The following KIAA1549L variants were observed in gnomAD, a reference collection of about 807,000 sequenced individuals.
The protein encoded by KIAA1549L is UPF0606 protein KIAA1549L.
A neutral mutation model predicts 160.7 loss-of-function variants in KIAA1549L; 88 were observed. The observed-to-expected ratio is 0.55, with a 90% CI of 0.46 to 0.65. The LOEUF is 0.65. Among genes scored for constraint, KIAA1549L ranks in the 30% least tolerant of loss-of-function variants. KIAA1549L has a pLI of 0.00. For synonymous variants in KIAA1549L, 950 were observed against 976.7 expected (o/e 0.97, Z 0.51); for missense variants, 2,258 against 2,437.5 (o/e 0.93, Z 1.55).
At chr11:33,598,499 A>G (rs1174664626) in intron 12 of KIAA1549L, among the ~76,000 whole-genome samples, 1 of 152,096 alleles carries the variant, frequency 6.6e-6, no homozygotes, top group East Asian at 1.9e-4. Context: ...AAAACAGGCT[A>G]TGCTGCATGG....
At chr11:33,396,628 A>G (rs1315796163) in intron 1 of KIAA1549L, among the ~76,000 whole-genome samples, 1 of 141,968 alleles carries the variant, frequency 7.0e-6, no homozygotes, top group African/African-American at 2.7e-5. Flanking sequence ...CCTTTAACTT[A>G]TCAATAGCAT....
chr11:33,474,865 C>T (rs1225238760), intron 1 of KIAA1549L, among the ~76,000 whole-genome samples: 4 of 152,158 alleles, frequency 2.6e-5, no homozygotes, highest in South Asian at 2.1e-4. Flanking sequence ...AACACTCCAG[C>T]GTGAGGAATG....
chr11:33,589,023 C>A lies in KIAA1549L; in HGVS notation c.4567-2214C>A, dbSNP rs541692422. On this transcript the variant is annotated intron_variant, in intron 11 of 20. Transcript: ENST00000658780. ...GACTGGATTGTTAAATCCGCTGGAA[C>A]CTTCCTGTTGTATCTCTGGCTAAAT... 3.9e-5 allele frequency among the ~76,000 whole-genome samples: 6 copies of A among 152,272 alleles called. No individual in the cohort carries two copies. In the East Asian group the frequency reaches 1.2e-3, roughly 29 times the overall value.
intron 15 of KIAA1549L, among the ~76,000 whole-genome samples, chr11:33,611,850 G>A (rs1311283402): frequency 2.6e-5 from 4 of 152,160 alleles, no homozygotes; most frequent in African/African-American, 9.7e-5. Context: ...AGTTACTTGA[G>A]AAACAAAAAT....
At position 33,545,059 on chromosome 11, in the gene KIAA1549L, T is replaced by C. The variant is rs565766773; in HGVS notation, c.3066T>C (p.His1022=). ...YARTGHTTST[H]TAMQGNMDTA... ...GAACAGGACATACCACGAGCACACA[T>C]ACAGCCATGCAAGGAAACATGGACA... Residue 1022 remains histidine (H), a synonymous_variant, in exon 3 of 21, where the codon CAT becomes CAC. Transcript: ENST00000658780. 1.7e-5 allele frequency: 28 copies of C among 1,613,956 alleles called. No individual in the cohort carries two copies. The South Asian group carries it at 3.1e-4, about 18-fold the overall frequency.
intron 1 of KIAA1549L, among the ~76,000 whole-genome samples, chr11:33,401,853 AG>A (rs1850507387): frequency 6.6e-6 from 1 of 152,168 alleles, no homozygotes; most frequent in South Asian, 2.1e-4. Flanking sequence ...CAGCAAGAGG[AG>A]GTCCAACTTC....
rs151265801 is a variant in KIAA1549L at position 33,669,019 on chromosome 11, G to T, written c.*865G>T. 59 of 152,206 alleles carry T rather than the reference G, an allele frequency of 3.9e-4. No individual in the cohort carries two copies. Among genetic ancestry groups the T allele is most frequent in the African/African-American group, 1.3e-3 (53 of 41,518 alleles). 9.4% of individuals were successfully genotyped at this position (152,206 alleles called of 1,614,324 possible). ...AGAATGGAGCTTCTCTTTTTCTTGGGATAATAGATACATCAACTTTTACAA... is the reference window on the plus strand; with the variant it reads ...AGAATGGAGCTTCTCTTTTTCTTGGTATAATAGATACATCAACTTTTACAA... On this transcript the variant is annotated 3_prime_UTR_variant, in exon 21 of 21. Transcript: ENST00000658780.
intron 16 of KIAA1549L, among the ~76,000 whole-genome samples, chr11:33,636,794 T>G (rs1482711515): frequency 6.6e-6 from 1 of 152,242 alleles, no homozygotes. Context: ...TTCATTACTC[T>G]CCACGATTTC....
chr11:33,612,872 G>A (rs1226570796), intron 15 of KIAA1549L, among the ~76,000 whole-genome samples: 1 of 152,124 alleles, frequency 6.6e-6, no homozygotes, highest in Non-Finnish European at 1.5e-5. Flanking sequence ...TTCTGTTCCT[G>A]TATTAGTTTG....
rs1554927329 is a variant in KIAA1549L, at chr11:33,638,433, A to AAT, written c.5410-7252_5410-7251insTA. 7.2e-3 allele frequency among the ~76,000 whole-genome samples: 273 copies of AAT among 37,676 alleles called. 3 individuals carry two copies. The highest frequency in any genetic ancestry group is 0.032 in the African/African-American group (190 of 5,948). The allele number at this position is 37,676 out of a possible 152,430, so 24.7% of individuals were successfully genotyped here. A position where few individuals can be genotyped will look rare whatever the true frequency, so the allele number is the denominator to read the frequency against. Reference sequence around the variant, plus strand: ...TTCTCTAAAATAAATAAAAAAAAAAAAAATAAATAAATAAATAAATAAATA... The same window carrying AAT: ...TTCTCTAAAATAAATAAAAAAAAAAAATAAATAAATAAATAAATAAATAAATA... On this transcript the variant is annotated intron_variant, in intron 16 of 20. Coordinates refer to ENST00000658780, the MANE Select transcript of KIAA1549L (RefSeq NM_012194.3).
intron 16 of KIAA1549L, among the ~76,000 whole-genome samples, chr11:33,633,547 G>A (rs148209644): frequency 6.6e-6 from 1 of 152,206 alleles, no homozygotes; most frequent in East Asian, 1.9e-4. Flanking sequence ...CTAACTCACG[G>A]GAGAGATCCT....
At chr11:33,411,563 C>A (rs139917807) in intron 1 of KIAA1549L, among the ~76,000 whole-genome samples, 1 of 152,190 alleles carries the variant, frequency 6.6e-6, no homozygotes, top group Non-Finnish European at 1.5e-5. Flanking sequence ...GGTCATTGCC[C>A]AACCTTATTT....
At chr11:33,478,130 C>G (rs1458365846) in intron 1 of KIAA1549L, among the ~76,000 whole-genome samples, 1 of 152,226 alleles carries the variant, frequency 6.6e-6, no homozygotes, top group East Asian at 1.9e-4. Flanking sequence ...GGGGAACCAA[C>G]CTAGCGACAT....
intron 10 of KIAA1549L, among the ~76,000 whole-genome samples, chr11:33,580,404 T>G (rs1855594727): frequency 6.6e-6 from 1 of 151,070 alleles, no homozygotes; most frequent in Non-Finnish European, 1.5e-5. Context: ...AGAAACCCCG[T>G]CTCTACTAAA....
intron 17 of KIAA1549L, among the ~76,000 whole-genome samples, chr11:33,654,665 G>A (rs758338794): frequency 6.6e-6 from 1 of 152,138 alleles, no homozygotes; most frequent in Non-Finnish European, 1.5e-5. Context: ...TCAATATGGC[G>A]TTTGTTTTCC....
chr11:33,468,929 T>C (rs1163212736), intron 1 of KIAA1549L, among the ~76,000 whole-genome samples: 6 of 152,136 alleles, frequency 3.9e-5, no homozygotes, highest in African/African-American at 1.4e-4. Flanking sequence ...AAGTAAATGT[T>C]GAAAGAGGGT....
At chr11:33,594,747 TACAA>T (rs1850154753) in intron 12 of KIAA1549L, among the ~76,000 whole-genome samples, 1 of 152,192 alleles carries the variant, frequency 6.6e-6, no homozygotes, top group South Asian at 2.1e-4. Flanking sequence ...CCAAGAGATG[TACAA>T]ACAAATTAGG....
chr11:33,591,347 T>C lies in KIAA1549L; in HGVS notation c.4677T>C (p.Asp1559=), dbSNP rs371590824. Residue 1559 remains aspartate, a synonymous_variant, in exon 12 of 21, where the codon GAT becomes GAC. Coordinates refer to ENST00000658780, the MANE Select transcript of KIAA1549L (RefSeq NM_012194.3). ...TGGTTCTCCCACTGCCCATTAGAGA[T>C]GCTCCTCAGGAAAGAGACGTCGCTC... is the stretch of plus-strand genomic sequence containing the variant. ...ETVVLPLPIR[D]APQERDVAQD... 5.0e-6 allele frequency: 8 copies of C among 1,613,650 alleles called. No individual in the cohort carries two copies. In the African/African-American group the frequency reaches 6.7e-5, roughly 13 times the overall value.
intron 18 of KIAA1549L, 129 bp from the exon 19 acceptor site, chr11:33,658,621 C>A: frequency 1.2e-6 from 1 of 854,888 alleles, no homozygotes; most frequent in Non-Finnish European, 1.8e-6. Flanking sequence ...GGAATAAATC[C>A]AGTCCTGGGG....
Sources: allele counts gnomAD v4.1 joint callset (sites outside exome capture counted in the v4.1 genomes callset), GRCh38; gene constraint gnomAD v4.1.1; transcripts MANE v1.5; gene names NCBI Gene and HGNC (gene_info 2026-07-23, HGNC 2026-07-21).